The following TBC1D5 variants were observed in gnomAD, a reference collection of about 807,000 sequenced individuals.
The protein encoded by TBC1D5 is TBC1 domain family member 5.
In TBC1D5, 75 loss-of-function variants were observed where a neutral mutation model predicts 100.3. The ratio of observed to expected loss-of-function variants is 0.75; its 90% CI spans 0.62 to 0.91. The LOEUF (loss-of-function observed/expected upper bound fraction) is 0.91, where lower values mean the gene tolerates loss of function less well. Among genes scored for constraint, TBC1D5 ranks in the 40% least tolerant of loss-of-function variants. TBC1D5 has a pLI of 0.00. For missense variants in TBC1D5, 910 were observed against 942.4 expected (o/e 0.97, Z 0.45); for synonymous variants, 323 against 325.6 (o/e 0.99, Z 0.09).
intron 2 of TBC1D5, among the ~76,000 whole-genome samples, chr3:17,590,089 C>T (rs553150834): frequency 6.6e-6 from 1 of 152,168 alleles, no homozygotes; most frequent in African/African-American, 2.4e-5. Context: ...TGTTTCTAGA[C>T]CTATAACTAG....
chr3:17,215,705 C>T (rs567801964), intron 17 of TBC1D5, among the ~76,000 whole-genome samples: 55 of 152,192 alleles, frequency 3.6e-4, no homozygotes, highest in South Asian at 2.5e-3. Context: ...AGATTGGCCC[C>T]TTGGAAACGT....
At chr3:17,417,257 T>G (rs755386716) in intron 4 of TBC1D5, among the ~76,000 whole-genome samples, 13 of 152,078 alleles carry the variant, frequency 8.5e-5, no homozygotes, top group Non-Finnish European at 1.6e-4. Context: ...TAGTTACATA[T>G]ATATACATGT....
chr3:17,165,517 C>G (rs1042095888), intron 21 of TBC1D5, among the ~76,000 whole-genome samples: 1 of 152,208 alleles, frequency 6.6e-6, no homozygotes, highest in African/African-American at 2.4e-5. Context: ...CATGTGGCTA[C>G]AAATGCAGAG....
Position 17,191,772 on chromosome 3 carries a change from A to C in TBC1D5, c.1753-6564T>G, listed in dbSNP as rs1575844377. 3.4e-5 allele frequency among the ~76,000 whole-genome samples: 5 copies of C among 147,706 alleles called. No homozygotes were observed. The South Asian group carries it at 8.5e-4, about 25-fold the overall frequency. ...GCTGGGATTACAGGCACCTGCTACC[A>C]CACCCGGCTTTTTTTTTTTAAATAT... is the stretch of plus-strand genomic sequence containing the variant. On this transcript the variant is annotated intron_variant, in intron 18 of 21. Coordinates refer to ENST00000253692, the Ensembl canonical transcript of TBC1D5.
At chr3:17,680,459 G>C (rs141121588) in intron 1 of TBC1D5, among the ~76,000 whole-genome samples, 1 of 150,828 alleles carries the variant, frequency 6.6e-6, no homozygotes, top group African/African-American at 2.5e-5. Flanking sequence ...ACTCCTGGGC[G>C]CAAGTGATCC....
chr3:17,257,558 CAG>C (rs2077829202), intron 16 of TBC1D5, among the ~76,000 whole-genome samples: 1 of 152,122 alleles, frequency 6.6e-6, no homozygotes, highest in South Asian at 2.1e-4. Flanking sequence ...ATGGAGCAAA[CAG>C]ATTTCAATCA....
intron 3 of TBC1D5, among the ~76,000 whole-genome samples, chr3:17,433,781 C>G (rs780454264): frequency 1.3e-5 from 2 of 152,152 alleles, no homozygotes; most frequent in African/African-American, 2.4e-5. Context: ...AAAGGCAAGT[C>G]CCTTCCTCTA....
intron 20 of TBC1D5, among the ~76,000 whole-genome samples, 175 bp downstream of exon 21, chr3:17,167,574 A>G (rs1283274498): frequency 2.6e-5 from 4 of 152,226 alleles, no homozygotes; most frequent in Non-Finnish European, 5.9e-5. Flanking sequence ...CTAGTCAGAT[A>G]TAATTGTTAG....
chr3:17,331,798 GA>G (rs2086896245), intron 13 of TBC1D5, among the ~76,000 whole-genome samples: 1 of 152,230 alleles, frequency 6.6e-6, no homozygotes, highest in Non-Finnish European at 1.5e-5. Context: ...TGGGTGGATA[GA>G]GATGTTAAAG....
intron 2 of TBC1D5, among the ~76,000 whole-genome samples, chr3:17,550,798 C>T (rs1179766735): frequency 6.6e-6 from 1 of 152,030 alleles, no homozygotes. Context: ...CTGTGAACAT[C>T]ACCAAATACC....
chr3:17,350,800 T>C (rs1047677711), intron 13 of TBC1D5, among the ~76,000 whole-genome samples: 3 of 152,160 alleles, frequency 2.0e-5, no homozygotes, highest in Non-Finnish European at 2.9e-5. Context: ...CATTTATTAA[T>C]TTTAATTTTG....
chr3:17,279,054 A>G (rs928298264), intron 15 of TBC1D5, among the ~76,000 whole-genome samples: 1 of 152,246 alleles, frequency 6.6e-6, no homozygotes, highest in African/African-American at 2.4e-5. Flanking sequence ...CATTATTAAA[A>G]TGTTACCATT....
Position 17,341,536 on chromosome 3 carries a change from G to C in TBC1D5, c.995+30539C>G, listed in dbSNP as rs988973123. Among the ~76,000 whole-genome samples the C allele has an allele frequency of 2.2e-4, 34 of 152,076 alleles. 1 individual carries two copies. Among genetic ancestry groups the C allele is most frequent in the Admixed American group, 2.1e-3 (32 of 15,254 alleles). On this transcript the variant is annotated intron_variant, in intron 13 of 21. Transcript: ENST00000253692. ...TAAAAGGTATTTCCCTCATCTTGTA[G>C]ATGAGAAACTGCAGCCTGGAGATGC... is the stretch of plus-strand genomic sequence containing the variant.
intron 15 of TBC1D5, among the ~76,000 whole-genome samples, chr3:17,283,357 G>T (rs1028068201): frequency 1.3e-5 from 2 of 152,190 alleles, no homozygotes; most frequent in African/African-American, 4.8e-5. Flanking sequence ...AGTACCTGAT[G>T]CAGTGAAGCT....
At chr3:17,503,951 A>AAACATGG (rs2095814038) in intron 3 of TBC1D5, among the ~76,000 whole-genome samples, 4 of 149,634 alleles carry the variant, frequency 2.7e-5, no homozygotes, top group South Asian at 4.2e-4. Flanking sequence ...ATTTAAAAGA[A>AAACATGG]AACATGGAAT....
chr3:17,694,005 G>A lies in TBC1D5; in HGVS notation c.-101+45338C>T, dbSNP rs185789805. Reference sequence around the variant, plus strand: ...CAACAGACCTGCAGCTGAGGGACCTGACTGTTAGAAGGAAAACTAACAAAC... The same window carrying A: ...CAACAGACCTGCAGCTGAGGGACCTAACTGTTAGAAGGAAAACTAACAAAC... On this transcript the variant is annotated intron_variant, in intron 1 of 21. Transcript: ENST00000253692. Among the ~76,000 whole-genome samples the A allele has an allele frequency of 3.0e-3, 452 of 152,334 alleles. 1 individual carries two copies. Among genetic ancestry groups the A allele is most frequent in the Non-Finnish European group, 5.4e-3 (368 of 68,026 alleles).
intron 2 of TBC1D5, among the ~76,000 whole-genome samples, chr3:17,595,519 T>C (rs1481077536): frequency 6.6e-6 from 1 of 152,196 alleles, no homozygotes; most frequent in South Asian, 2.1e-4. Flanking sequence ...TCTTAAATGC[T>C]GAATAAGAGT....
chr3:17,280,692 C>T (rs1048871025), intron 15 of TBC1D5, among the ~76,000 whole-genome samples: 7 of 152,168 alleles, frequency 4.6e-5, no homozygotes, highest in Admixed American at 2.0e-4. Context: ...CTTTCATCAG[C>T]AATAAAATCT....
intron 1 of TBC1D5, among the ~76,000 whole-genome samples, chr3:17,656,142 C>T (rs1356475401): frequency 2.6e-5 from 4 of 152,146 alleles, no homozygotes; most frequent in South Asian, 2.1e-4. Context: ...TTGAAACTAG[C>T]GATCACAATC....
Sources: allele counts gnomAD v4.1 joint callset (sites outside exome capture counted in the v4.1 genomes callset), GRCh38; gene constraint gnomAD v4.1.1; transcripts MANE v1.5; gene names NCBI Gene and HGNC (gene_info 2026-07-23, HGNC 2026-07-21).